ZNF804A: variants seen among roughly 807,000 people sequenced by gnomAD.
The protein encoded by ZNF804A is zinc finger protein 804A.
Under a neutral mutation model 16.5 loss-of-function variants are expected in ZNF804A, and 2 were observed. The observed-to-expected ratio is 0.12, with a 90% CI of 0.05 to 0.38. ZNF804A has a LOEUF of 0.38. Ranked by LOEUF, ZNF804A falls within the 10% of genes least tolerant of loss-of-function variation. The probability of loss-of-function intolerance (pLI) is 0.99; values close to 1 mark genes in which losing one functional copy is unlikely to be tolerated. For synonymous variants in ZNF804A, 534 were observed against 489.6 expected, an observed-to-expected ratio of 1.09 and a Z score of -1.20; for missense variants, 1,473 against 1,390.7, an observed-to-expected ratio of 1.06 and a Z score of -0.94.
In ZNF804A at chr2:184,702,924, T is replaced by C. The variant is rs1269451106; in HGVS notation, c.111+103854T>C. 5.3e-5 allele frequency among the ~76,000 whole-genome samples: 8 copies of C among 152,322 alleles called. No homozygotes were observed. In the East Asian group the frequency reaches 1.4e-3, roughly 26 times the overall value. On this transcript the variant is annotated intron_variant, in intron 1 of 3. Coordinates refer to ENST00000302277, the MANE Select transcript of ZNF804A (RefSeq NM_194250.2). Reference sequence around the variant, plus strand: ...CTTCTCATTTTGTCAGCCAATTTTATAAGCATATTTATACCTAACAACTCA... The same window carrying C: ...CTTCTCATTTTGTCAGCCAATTTTACAAGCATATTTATACCTAACAACTCA...
chr2:184,760,351 A>G (rs1694023109), intron 1 of ZNF804A, among the ~76,000 whole-genome samples: 1 of 152,188 alleles, frequency 6.6e-6, no homozygotes, highest in African/African-American at 2.4e-5. Flanking sequence ...GTACATATGC[A>G]TATGACATAT....
At chr2:184,919,071 T>C (rs1382762809) in intron 2 of ZNF804A, among the ~76,000 whole-genome samples, 1 of 152,174 alleles carries the variant, frequency 6.6e-6, no homozygotes, top group African/African-American at 2.4e-5. Context: ...TTGCTATTCT[T>C]CATTTGTGAA....
chr2:184,883,187 A>C (rs531343710), intron 2 of ZNF804A, among the ~76,000 whole-genome samples: 10 of 152,134 alleles, frequency 6.6e-5, no homozygotes, highest in Non-Finnish European at 1.5e-4. Flanking sequence ...GAAATGGATA[A>C]ATGCCTAAAC....
intron 1 of ZNF804A, among the ~76,000 whole-genome samples, chr2:184,658,398 A>G (rs1365253324): frequency 6.6e-6 from 1 of 152,172 alleles, no homozygotes; most frequent in Non-Finnish European, 1.5e-5. Context: ...GCTTGAAACC[A>G]GGAGGCAGAG....
At chr2:184,728,728 C>CA (rs1424709176) in intron 1 of ZNF804A, among the ~76,000 whole-genome samples, 2 of 151,584 alleles carry the variant, frequency 1.3e-5, no homozygotes, top group Admixed American at 6.6e-5. Flanking sequence ...GCATAATTTT[C>CA]AAAAAGAGAT....
intron 1 of ZNF804A, among the ~76,000 whole-genome samples, chr2:184,713,400 T>A (rs1367207215): frequency 6.6e-6 from 1 of 151,868 alleles, no homozygotes; most frequent in Non-Finnish European, 1.5e-5. Context: ...TAAAGCTTCA[T>A]AAAATTATCC....
intron 1 of ZNF804A, among the ~76,000 whole-genome samples, chr2:184,767,614 A>C (rs902098053): frequency 7.9e-5 from 12 of 151,558 alleles, no homozygotes; most frequent in Admixed American, 7.2e-4. Context: ...CAAAGTGTCA[A>C]ACAAACAAAA....
intron 1 of ZNF804A, among the ~76,000 whole-genome samples, chr2:184,713,486 G>A (rs1311367354): frequency 1.3e-5 from 2 of 151,854 alleles, no homozygotes; most frequent in Non-Finnish European, 2.9e-5. Flanking sequence ...TTCCATGAGT[G>A]ATAATAGGTT....
intron 1 of ZNF804A, among the ~76,000 whole-genome samples, chr2:184,607,445 G>A (rs986334248): frequency 2.0e-5 from 3 of 152,104 alleles, no homozygotes; most frequent in Non-Finnish European, 4.4e-5. Context: ...AAGGAGAAGT[G>A]CCGAGTGAAG....
intron 1 of ZNF804A, among the ~76,000 whole-genome samples, chr2:184,644,036 T>G (rs967400989): frequency 6.6e-6 from 1 of 151,830 alleles, no homozygotes; most frequent in Non-Finnish European, 1.5e-5. Context: ...CAAACTACCT[T>G]AAAATGCCTT....
At chr2:184,665,213 A>G (rs968782749) in intron 1 of ZNF804A, among the ~76,000 whole-genome samples, 8 of 152,192 alleles carry the variant, frequency 5.3e-5, no homozygotes, top group African/African-American at 1.9e-4. Flanking sequence ...GTAGTACTAG[A>G]TAAGCAATAT....
rs1213608851 is a variant in ZNF804A at position 184,936,569 on chromosome 2, A to G, written c.1173A>G (p.Glu391=). The G allele has an allele frequency of 6.2e-7, 1 of 1,613,914 alleles. No homozygotes were observed. Among genetic ancestry groups the G allele is most frequent in the African/African-American group, 1.3e-5 (1 of 74,930 alleles). ...KHNEASTTEV[E]NKNGPETLAP... is the part of the protein sequence containing the mutation. ...ACGAGGCATCCACAACTGAGGTTGAAAATAAAAATGGTCCCGAGACATTGG... is the reference window on the plus strand; with the variant it reads ...ACGAGGCATCCACAACTGAGGTTGAGAATAAAAATGGTCCCGAGACATTGG... The change falls in exon 4 of 4, where the codon GAA becomes GAG. Residue 391 remains glutamate (E), a synonymous_variant. Coordinates refer to ENST00000302277, the MANE Select transcript of ZNF804A (RefSeq NM_194250.2).
At chr2:184,908,006 G>A (rs1349769708) in intron 2 of ZNF804A, among the ~76,000 whole-genome samples, 1 of 151,994 alleles carries the variant, frequency 6.6e-6, no homozygotes, top group African/African-American at 2.4e-5. Context: ...GATACTGCCC[G>A]GTTGTGATAT....
chr2:184,779,617 C>G (rs1026652529), intron 1 of ZNF804A, among the ~76,000 whole-genome samples: 1 of 151,482 alleles, frequency 6.6e-6, no homozygotes, highest in African/African-American at 2.4e-5. Context: ...TAGAAGAGTC[C>G]CTGTCAGAGT....
At chr2:184,637,124 T>C (rs1053948946) in intron 1 of ZNF804A, among the ~76,000 whole-genome samples, 3 of 152,168 alleles carry the variant, frequency 2.0e-5, no homozygotes, top group African/African-American at 7.2e-5. Context: ...TTAATTGCAG[T>C]GGATTGAGTT....
intron 1 of ZNF804A, among the ~76,000 whole-genome samples, chr2:184,676,575 C>G (rs1444804970): frequency 6.6e-6 from 1 of 151,572 alleles, no homozygotes; most frequent in Admixed American, 6.6e-5. Context: ...ATAATTTCCA[C>G]TACAATATCA....
chr2:184,800,111 G>A (rs1470403040), intron 1 of ZNF804A, among the ~76,000 whole-genome samples: 1 of 152,054 alleles, frequency 6.6e-6, no homozygotes, highest in Non-Finnish European at 1.5e-5. Flanking sequence ...TAAAAGTGAT[G>A]TGATTACTAG....
chr2:184,744,005 T>C (rs1693747612), intron 1 of ZNF804A, among the ~76,000 whole-genome samples: 1 of 151,976 alleles, frequency 6.6e-6, no homozygotes, highest in Admixed American at 6.6e-5. Context: ...ATTCATATGG[T>C]AATATCTTAT....
At position 184,938,550 on chromosome 2, in the gene ZNF804A, T is replaced by A. The variant is rs763213724; in HGVS notation, c.3154T>A (p.Tyr1052Asn). The A allele has an allele frequency of 1.9e-6, 3 of 1,614,112 alleles. No homozygotes were observed. In the Admixed American group the frequency reaches 5.0e-5, roughly 27 times the overall value. The change falls in exon 4 of 4, where the codon TAC (tyrosine) becomes AAC (asparagine). Residue 1052 changes from tyrosine to asparagine, a missense_variant. By Grantham distance (143) the Tyr-to-Asn change is moderately radical. Transcript: ENST00000302277. ...ATTCAAAAATGTACCATGTGAGGTC[T>A]ACCAGCACATTCTGCAGCCAAACAT... Reference protein sequence around the residue: ...DKFKNVPCEVYQHILQPNMLA... With the variant: ...DKFKNVPCEVNQHILQPNMLA...
Sources: allele counts gnomAD v4.1 joint callset (sites outside exome capture counted in the v4.1 genomes callset), GRCh38; gene constraint gnomAD v4.1.1; transcripts MANE v1.5; gene names NCBI Gene and HGNC (gene_info 2026-07-23, HGNC 2026-07-21).